Variants in IPO8 observed in about 807,000 individuals in gnomAD.
IPO8 encodes importin-8.
IPO8 carries 65 observed loss-of-function variants against 141.2 expected under a neutral mutation model. That is an observed-to-expected ratio of 0.46 (90% CI 0.38 to 0.57). The LOEUF is 0.57. Among genes scored for constraint, IPO8 ranks in the 20% least tolerant of loss-of-function variants. IPO8 has a pLI of 0.00. For missense variants in IPO8, 980 were observed against 1,246.8 expected, an observed-to-expected ratio of 0.79 and a Z score of 3.22; for synonymous variants, 411 against 420.3, an observed-to-expected ratio of 0.98 and a Z score of 0.27.
chr12:30,632,523 C>A (rs1326946057), intron 23 of IPO8, among the ~76,000 whole-genome samples: 1 of 152,256 alleles, frequency 6.6e-6, no homozygotes, highest in East Asian at 1.9e-4. Flanking sequence ...CCATTTATCT[C>A]ACCAGTTCTA....
chr12:30,662,030 A>T (rs11051014), intron 15 of IPO8, among the ~76,000 whole-genome samples: 1,556 of 152,316 alleles, frequency 0.01, 36 homozygotes, highest in East Asian at 0.084. Context: ...ACTTAGGCAA[A>T]TCTAGATGGC....
intron 23 of IPO8, among the ~76,000 whole-genome samples, chr12:30,632,226 G>T (rs897446217): frequency 6.6e-6 from 1 of 152,136 alleles, no homozygotes; most frequent in Non-Finnish European, 1.5e-5. Flanking sequence ...TCAAAGGAAG[G>T]TTAGGACATT....
rs953870374 is a variant in IPO8, at chr12:30,674,701, C to T, written c.782G>A (p.Cys261Tyr). ...TACAATATGCAGTGCCCACTTCTTA[C>T]ACTTCCACCATACCAGTTCTGGTCT... is the stretch of plus-strand genomic sequence containing the variant. ...DDRPELVWWK[C>Y]KKWALHIVAR... The change falls in exon 7 of 25, where the codon TGT (cysteine) becomes TAT (tyrosine). Residue 261 changes from cysteine (C) to tyrosine (Y), a missense_variant. Cys to Tyr is a radical substitution (Grantham distance 194). Transcript: ENST00000256079. The T allele has an allele frequency of 2.5e-6, 4 of 1,613,724 alleles. No homozygotes were observed. The highest frequency in any genetic ancestry group is 1.1e-5 in the South Asian group (1 of 91,078).
chr12:30,651,713 G>A lies in IPO8; in HGVS notation c.2172+479C>T, dbSNP rs115247049. Among the ~76,000 whole-genome samples the A allele has an allele frequency of 2.0e-3, 301 of 152,186 alleles. 1 individual carries two copies. Among genetic ancestry groups the A allele is most frequent in the African/African-American group, 6.9e-3 (285 of 41,552 alleles). On this transcript the variant is annotated intron_variant, in intron 19 of 24. Transcript: ENST00000256079. Reference sequence around the variant, plus strand: ...CAATATGGCAGACAATCATGTTTGTGTATAAGGATAACAGTAGCCATTATG... The same window carrying A: ...CAATATGGCAGACAATCATGTTTGTATATAAGGATAACAGTAGCCATTATG...
intron 21 of IPO8, among the ~76,000 whole-genome samples, chr12:30,639,259 C>T (rs2136127455): frequency 6.6e-6 from 1 of 152,026 alleles, no homozygotes; most frequent in African/African-American, 2.4e-5. Context: ...TACAATGATA[C>T]ACTTGTGTTT....
At chr12:30,656,583 A>G in intron 17 of IPO8, 101 bp downstream of exon 17, 6 of 609,232 alleles carry the variant, frequency 9.8e-6, no homozygotes, top group Non-Finnish European at 1.7e-5. Context: ...CTCTTTCTCA[A>G]AATTGTCCAT....
intron 9 of IPO8, among the ~76,000 whole-genome samples, chr12:30,669,652 A>G (rs2053020722): frequency 6.6e-6 from 1 of 152,000 alleles, no homozygotes; most frequent in Non-Finnish European, 1.5e-5. Flanking sequence ...AAACGTAGCC[A>G]AGCATGGTGG....
intron 20 of IPO8, among the ~76,000 whole-genome samples, chr12:30,641,489 ATTTCTTTTTTTTTTTTTTT>A (rs2052573450): frequency 3.1e-5 from 3 of 97,070 alleles, no homozygotes; most frequent in Admixed American, 2.8e-4. Flanking sequence ...AAATTAAGCT[ATTTCTTTTTTTTTTTTTTT>A]TTTCTTTTTT....
At chr12:30,681,041 G>C (rs746484969) in intron 4 of IPO8, among the ~76,000 whole-genome samples, 1 of 152,104 alleles carries the variant, frequency 6.6e-6, no homozygotes, top group Non-Finnish European at 1.5e-5. Flanking sequence ...CCTGAATTGA[G>C]TAGTTAAAAT....
intron 19 of IPO8, among the ~76,000 whole-genome samples, 194 bp from the exon 20 acceptor site, chr12:30,649,426 A>G (rs2052694301): frequency 6.6e-6 from 1 of 152,198 alleles, no homozygotes; most frequent in Non-Finnish European, 1.5e-5. Context: ...ATAAGGAGCA[A>G]TAATTCACTT....
At chr12:30,686,957 A>G (rs2053248569) in intron 2 of IPO8, among the ~76,000 whole-genome samples, 1 of 152,114 alleles carries the variant, frequency 6.6e-6, no homozygotes, top group African/African-American at 2.4e-5. Flanking sequence ...AAATATATTA[A>G]AAAGAAAATT....
intron 4 of IPO8, among the ~76,000 whole-genome samples, chr12:30,680,990 A>T (rs1158658862): frequency 6.6e-6 from 1 of 152,174 alleles, no homozygotes; most frequent in Non-Finnish European, 1.5e-5. Context: ...AATAGACTAT[A>T]TAACAAATAA....
At chr12:30,689,152 C>T (rs557322568) in intron 2 of IPO8, among the ~76,000 whole-genome samples, 1 of 152,082 alleles carries the variant, frequency 6.6e-6, no homozygotes, top group Admixed American at 6.5e-5. Context: ...TGGAGAGCCA[C>T]GCATCAAAGC....
chr12:30,693,911 T>G (rs541732619), intron 1 of IPO8, among the ~76,000 whole-genome samples: 1 of 152,182 alleles, frequency 6.6e-6, no homozygotes, highest in African/African-American at 2.4e-5. Context: ...TGCCTGCTTT[T>G]GTCTGAAATA....
At chr12:30,684,618 G>A (rs1416627344) in intron 2 of IPO8, among the ~76,000 whole-genome samples, 161 bp from the exon 3 acceptor site, 1 of 152,128 alleles carries the variant, frequency 6.6e-6, no homozygotes, top group Non-Finnish European at 1.5e-5. Flanking sequence ...AGGGAAAGTG[G>A]ATAAGAATTT....
At chr12:30,657,882 A>G (rs1196214671) in intron 16 of IPO8, among the ~76,000 whole-genome samples, 4 of 152,166 alleles carry the variant, frequency 2.6e-5, no homozygotes, top group African/African-American at 9.7e-5. Flanking sequence ...AAAAATCTCT[A>G]GAAGGACCCG....
In IPO8 at chr12:30,674,064, G is replaced by A. The variant is rs1133297; in HGVS notation, c.835C>T (p.Pro279Ser). ...VARLFERYGS[P>S]GNVTKEYFEF... Reference sequence around the variant, plus strand: ...AAGTATTCTTTTGTGACATTTCCTGGGCTTCCATATCTTAAAATACAAAGA... The same window carrying A: ...AAGTATTCTTTTGTGACATTTCCTGAGCTTCCATATCTTAAAATACAAAGA... The change falls in exon 8 of 25, where the codon CCA becomes TCA. Residue 279 changes from proline to serine, a missense_variant. Pro to Ser is a moderately conservative substitution (Grantham distance 74). Transcript: ENST00000256079. 10 of 1,573,480 alleles carry A rather than the reference G, an allele frequency of 6.4e-6. No homozygotes were observed. In the South Asian group the frequency reaches 1.2e-4, roughly 18 times the overall value.
intron 2 of IPO8, 98 bp from the exon 3 acceptor site, chr12:30,684,555 A>T: frequency 8.4e-7 from 1 of 1,194,178 alleles, no homozygotes; most frequent in Non-Finnish European, 1.2e-6. Flanking sequence ...AATGTTAAAC[A>T]TGAAACCCAG....
rs772567323 is a variant in IPO8 at position 30,661,270 on chromosome 12, T to C, written c.1756-4A>G. 6.3e-7 allele frequency: 1 copy of C among 1,579,880 alleles called. No individual in the cohort carries two copies. The highest frequency in any genetic ancestry group is 1.2e-5 in the South Asian group (1 of 85,334). On this transcript the variant is annotated splice_polypyrimidine_tract_variant and splice_region_variant and intron_variant, in intron 15 of 24. Transcript: ENST00000256079. Reference sequence around the variant, plus strand: ...GAACTTTGCCAAATATCTCAGCCTATGAAAATAACATTAAAGTATTCCGCA... The same window carrying C: ...GAACTTTGCCAAATATCTCAGCCTACGAAAATAACATTAAAGTATTCCGCA...
Sources: gnomAD v4.1 joint callset for allele counts (sites outside exome capture counted in the v4.1 genomes callset) on GRCh38, gnomAD v4.1.1 for gene constraint, MANE v1.5 for transcripts, NCBI Gene and HGNC (gene_info 2026-07-23, HGNC 2026-07-21) for gene names.